Variants in CCNY observed in about 807,000 individuals in gnomAD.
CCNY encodes the protein cyclin Y, also known as cyclin-Y.
CCNY carries 19 observed loss-of-function variants against 42.8 expected under a neutral mutation model. The ratio of observed to expected loss-of-function variants is 0.44; its 90% CI spans 0.31 to 0.65. CCNY has a LOEUF of 0.65. CCNY is among the 30% of genes least tolerant of loss of function. The pLI is 0.07. For synonymous variants in CCNY, 165 were observed against 162.7 expected, an observed-to-expected ratio of 1.01 and a Z score of -0.11; for missense variants, 370 against 437.3, an observed-to-expected ratio of 0.85 and a Z score of 1.37.
intron 1 of CCNY, among the ~76,000 whole-genome samples, chr10:35,356,572 G>T (rs1245420516): frequency 6.6e-6 from 1 of 152,128 alleles, no homozygotes; most frequent in Non-Finnish European, 1.5e-5. Context: ...TGGCTGGGTG[G>T]TGCTTCTTCA....
chr10:35,268,941 G>A (rs1565058518), intron 3 of CCNY, among the ~76,000 whole-genome samples: 1 of 152,224 alleles, frequency 6.6e-6, no homozygotes, highest in East Asian at 1.9e-4. Flanking sequence ...GGCCTGTGAA[G>A]GGCCTGGTAG....
At chr10:35,460,229 ATCTC>A (rs546359841) in intron 1 of CCNY, among the ~76,000 whole-genome samples, 1 of 152,028 alleles carries the variant, frequency 6.6e-6, no homozygotes, top group Non-Finnish European at 1.5e-5. Flanking sequence ...CTTTTAAAAA[ATCTC>A]TCTCTCTCGT....
At chr10:35,330,033 C>T (rs1400896557) in intron 3 of CCNY, among the ~76,000 whole-genome samples, 2 of 152,174 alleles carry the variant, frequency 1.3e-5, no homozygotes, top group African/African-American at 4.8e-5. Flanking sequence ...TCAACTATCC[C>T]TGTTTTGCTT....
rs1177072692 is a variant in CCNY at position 35,431,401 on chromosome 10, CCTCTCTCT to C, written c.155-51953_155-51946del. 2.3e-3 allele frequency among the ~76,000 whole-genome samples: 7 copies of C among 3,060 alleles called. 1 individual carries two copies. Among genetic ancestry groups the C allele is most frequent in the Non-Finnish European group, 4.2e-3 (5 of 1,182 alleles). The allele number at this position is 3,060 out of a possible 152,430, so 2.0% of individuals were successfully genotyped here. ...CCCTTCCCCTCCCCTCCCCTCCCCT[CCTCTCTCT>C]CTCTCTCTCTCTCTCTCTCTCTCTC... is the stretch of plus-strand genomic sequence containing the variant. On this transcript the variant is annotated intron_variant, in intron 1 of 9. Coordinates refer to ENST00000374704, the MANE Select transcript of CCNY (RefSeq NM_145012.6).
At chr10:35,273,786 A>G (rs1465170338) in intron 3 of CCNY, among the ~76,000 whole-genome samples, 13 of 152,196 alleles carry the variant, frequency 8.5e-5, no homozygotes, top group Non-Finnish European at 1.8e-4. Context: ...AGGAGGCTAC[A>G]TTGTGAGTCT....
chr10:35,544,632 T>TA (rs760243651), intron 7 of CCNY, among the ~76,000 whole-genome samples: 2 of 152,218 alleles, frequency 1.3e-5, no homozygotes, highest in Non-Finnish European at 2.9e-5. Context: ...GAGTGTTGGT[T>TA]ACGCAGACAT....
chr10:35,401,568 ATT>A (rs540638740), intron 1 of CCNY, among the ~76,000 whole-genome samples: 8 of 137,718 alleles, frequency 5.8e-5, no homozygotes, highest in Admixed American at 7.3e-5. Flanking sequence ...CTCCCTCTGA[ATT>A]TTTTTTTTTT....
chr10:35,562,550 C>T (rs1365199627), intron 8 of CCNY, among the ~76,000 whole-genome samples: 1 of 152,224 alleles, frequency 6.6e-6, no homozygotes, highest in African/African-American at 2.4e-5. Context: ...GGACCTCACA[C>T]AAGTGGGATC....
chr10:35,571,677 A>C lies in CCNY; in HGVS notation c.*2507A>C, dbSNP rs1841688464. ...TATGTTTTCTTCTCTGATTTGTTCAAAGTTTGCCAAAAGAAAACACAAAAC... is the reference window on the plus strand; with the variant it reads ...TATGTTTTCTTCTCTGATTTGTTCACAGTTTGCCAAAAGAAAACACAAAAC... On this transcript the variant is annotated 3_prime_UTR_variant, in exon 10 of 10. Transcript: ENST00000374704. The C allele has an allele frequency of 6.6e-6, 1 of 152,352 alleles. No individual in the cohort carries two copies. Among genetic ancestry groups the C allele is most frequent in the Non-Finnish European group, 1.5e-5 (1 of 68,022 alleles). 9.4% of individuals were successfully genotyped at this position (152,352 alleles called of 1,614,324 possible). A position where few individuals can be genotyped will look rare whatever the true frequency, so the allele number is the denominator to read the frequency against.
chr10:35,344,731 C>A (rs887686306), intron 1 of CCNY, among the ~76,000 whole-genome samples: 1 of 152,144 alleles, frequency 6.6e-6, no homozygotes, highest in African/African-American at 2.4e-5. Flanking sequence ...CCCACTCCCC[C>A]CACCCGACAA....
At chr10:35,563,440 T>C (rs1331586416) in intron 8 of CCNY, among the ~76,000 whole-genome samples, 1 of 152,190 alleles carries the variant, frequency 6.6e-6, no homozygotes, top group African/African-American at 2.4e-5. Flanking sequence ...ACTTTTCTTC[T>C]TACTATTGGG....
rs958304987 is a variant in CCNY, at chr10:35,402,515, A to G, written c.154+65308A>G. 7.2e-4 allele frequency among the ~76,000 whole-genome samples: 109 copies of G among 152,210 alleles called. 1 individual carries two copies. Among genetic ancestry groups the G allele is most frequent in the Non-Finnish European group, 2.8e-4 (19 of 68,034 alleles). On this transcript the variant is annotated intron_variant, in intron 1 of 9. Coordinates refer to ENST00000374704, the MANE Select transcript of CCNY (RefSeq NM_145012.6). ...AAAACAACAGTCTTCATTTAAAAAT[A>G]TAGAGAGTCCTCTTTTTTTAGCAGT...
At chr10:35,313,212 A>C (rs749784555) in intron 3 of CCNY, among the ~76,000 whole-genome samples, 3 of 152,204 alleles carry the variant, frequency 2.0e-5, no homozygotes, top group Non-Finnish European at 4.4e-5. Flanking sequence ...GCCAAAGGCC[A>C]AAGACTGGTT....
intron 7 of CCNY, among the ~76,000 whole-genome samples, chr10:35,532,251 C>T (rs1311457510): frequency 6.6e-6 from 1 of 152,202 alleles, no homozygotes; most frequent in African/African-American, 2.4e-5. Flanking sequence ...CTCGTGTTCC[C>T]TAGAGTTAGA....
Position 35,481,473 on chromosome 10 carries a change from A to G in CCNY, c.155-1931A>G, listed in dbSNP as rs772183356. On this transcript the variant is annotated intron_variant, in intron 1 of 9. Transcript: ENST00000374704. ...TCACATTTTTTGATTGTGGTGTTCCATAAACCTCTACTGATGTATTTTAGT... is the reference window on the plus strand; with the variant it reads ...TCACATTTTTTGATTGTGGTGTTCCGTAAACCTCTACTGATGTATTTTAGT... Among the ~76,000 whole-genome samples the G allele has an allele frequency of 2.0e-4, 30 of 152,250 alleles. 1 individual carries two copies. Among genetic ancestry groups the G allele is most frequent in the Non-Finnish European group, 3.8e-4 (26 of 68,040 alleles).
chr10:35,352,795 G>C (rs1473446197), intron 1 of CCNY, among the ~76,000 whole-genome samples: 2 of 152,206 alleles, frequency 1.3e-5, no homozygotes, highest in Non-Finnish European at 2.9e-5. Context: ...AATGAGCGCT[G>C]CCTGATTAGT....
At chr10:35,307,768 G>T (rs1028681564) in intron 3 of CCNY, among the ~76,000 whole-genome samples, 2 of 70,680 alleles carry the variant, frequency 2.8e-5, no homozygotes, top group Admixed American at 1.7e-4. Flanking sequence ...ATATGTGTGT[G>T]TGTGTGTGTG....
intron 1 of CCNY, among the ~76,000 whole-genome samples, chr10:35,398,939 C>T (rs1008701215): frequency 6.6e-6 from 1 of 152,124 alleles, no homozygotes; most frequent in South Asian, 2.1e-4. Flanking sequence ...CAGAGCTGCC[C>T]CTGTGAAGAA....
chr10:35,435,251 A>G (rs1838503728), intron 1 of CCNY, among the ~76,000 whole-genome samples: 1 of 152,242 alleles, frequency 6.6e-6, no homozygotes, highest in Non-Finnish European at 1.5e-5. Context: ...CTACAGGGTA[A>G]GACACTTACA....
Sources: allele counts gnomAD v4.1 joint callset (sites outside exome capture counted in the v4.1 genomes callset), GRCh38; gene constraint gnomAD v4.1.1; transcripts MANE v1.5; gene names NCBI Gene and HGNC (gene_info 2026-07-23, HGNC 2026-07-21).